Variants in SOX5 observed in about 807,000 individuals in gnomAD.
SOX5 encodes the protein SRY-box transcription factor 5, also known as transcription factor SOX-5.
Under a neutral mutation model 92.0 loss-of-function variants are expected in SOX5, and 9 were observed. That is an observed-to-expected ratio of 0.10 (90% CI 0.06 to 0.17). The LOEUF (loss-of-function observed/expected upper bound fraction) is 0.17. Ranked by LOEUF, SOX5 falls within the 10% of genes least tolerant of loss-of-function variation. The pLI, the probability that SOX5 is intolerant of heterozygous loss-of-function variation, is 1.00. For missense variants in SOX5, 642 were observed against 944.5 expected, an observed-to-expected ratio of 0.68 and a Z score of 4.20; for synonymous variants, 344 against 336.3, an observed-to-expected ratio of 1.02 and a Z score of -0.25.
intron 7 of SOX5, among the ~76,000 whole-genome samples, chr12:23,653,167 A>C (rs1262228079): frequency 6.6e-6 from 1 of 151,912 alleles, no homozygotes; most frequent in East Asian, 1.9e-4. Context: ...TATTTCCCTG[A>C]ATTGGTCTCA....
chr12:23,774,189 A>G lies in SOX5; in HGVS notation c.482-18465T>C, dbSNP rs2095029084. ...TACCTTTTACTGCCGTTATAAATAT[A>G]CCTATAGAAACATTACTCTAGAACA... On this transcript the variant is annotated intron_variant, in intron 3 of 14. Transcript: ENST00000451604. Among the ~76,000 whole-genome samples the G allele has an allele frequency of 2.0e-5, 3 of 152,190 alleles. No individual in the cohort carries two copies. In the South Asian group the frequency reaches 6.2e-4, roughly 32 times the overall value.
intron 11 of SOX5, among the ~76,000 whole-genome samples, chr12:23,562,589 G>A (rs1188271409): frequency 6.6e-6 from 1 of 152,070 alleles, no homozygotes; most frequent in Non-Finnish European, 1.5e-5. Context: ...TATTCCAACA[G>A]TACATAATTC....
chr12:24,403,598 C>G (rs887181064), intron 1 of SOX5, among the ~76,000 whole-genome samples: 2 of 152,240 alleles, frequency 1.3e-5, no homozygotes, highest in East Asian at 3.9e-4. Context: ...TTTCTTTGAG[C>G]CTGACTCTAA....
intron 7 of SOX5, among the ~76,000 whole-genome samples, chr12:23,655,840 T>C (rs2082239365): frequency 6.6e-6 from 1 of 152,082 alleles, no homozygotes; most frequent in African/African-American, 2.4e-5. Context: ...AAAAAATACA[T>C]AATATAAATG....
At chr12:24,006,284 T>C (rs1952153477) in intron 4 of SOX5, among the ~76,000 whole-genome samples, 1 of 152,194 alleles carries the variant, frequency 6.6e-6, no homozygotes, top group Non-Finnish European at 1.5e-5. Flanking sequence ...ATCTCATTAA[T>C]GGTTAAATGA....
chr12:24,026,588 G>A (rs1195645997), intron 4 of SOX5, among the ~76,000 whole-genome samples: 2 of 111,930 alleles, frequency 1.8e-5, no homozygotes, highest in African/African-American at 6.3e-5. Flanking sequence ...TGTCTCTATG[G>A]GAAAAAAAAG....
intron 1 of SOX5, among the ~76,000 whole-genome samples, chr12:23,946,232 T>C (rs1370108080): frequency 6.6e-6 from 1 of 152,138 alleles, no homozygotes; most frequent in Non-Finnish European, 1.5e-5. Context: ...TAGGTGATAC[T>C]AACAACCTAA....
At chr12:23,731,914 G>A (rs1022999248) in intron 6 of SOX5, among the ~76,000 whole-genome samples, 5 of 152,042 alleles carry the variant, frequency 3.3e-5, no homozygotes, top group African/African-American at 1.2e-4. Context: ...GTACAATCAG[G>A]ATGAATAATT....
At chr12:24,122,724 G>A (rs1948751335) in intron 4 of SOX5, among the ~76,000 whole-genome samples, 1 of 152,142 alleles carries the variant, frequency 6.6e-6, no homozygotes, top group Non-Finnish European at 1.5e-5. Flanking sequence ...ATAGCTCAGT[G>A]AGATAAACTA....
At chr12:24,526,475 T>C (rs989100810) in intron 1 of SOX5, among the ~76,000 whole-genome samples, 6 of 152,164 alleles carry the variant, frequency 3.9e-5, no homozygotes, top group African/African-American at 1.4e-4. Flanking sequence ...GAGTATATAA[T>C]GCAGGTGGGT....
chr12:24,259,548 A>G (rs190306646), intron 3 of SOX5, among the ~76,000 whole-genome samples: 1 of 152,326 alleles, frequency 6.6e-6, no homozygotes, highest in African/African-American at 2.4e-5. Context: ...GAACCATACA[A>G]TTAACACACT....
intron 4 of SOX5, among the ~76,000 whole-genome samples, chr12:24,183,751 T>C (rs909173682): frequency 1.3e-5 from 2 of 152,220 alleles, no homozygotes; most frequent in African/African-American, 2.4e-5. Context: ...TGAATCAATA[T>C]GGTTTGAGCA....
chr12:23,794,585 T>C (rs923490090), intron 3 of SOX5, among the ~76,000 whole-genome samples: 7 of 152,276 alleles, frequency 4.6e-5, no homozygotes, highest in Middle Eastern at 3.4e-3. Flanking sequence ...CATATAGTAG[T>C]CATTTAATCA....
chr12:23,840,282 T>C (rs1199004842), intron 3 of SOX5, among the ~76,000 whole-genome samples: 2 of 152,082 alleles, frequency 1.3e-5, no homozygotes, highest in Admixed American at 6.6e-5. Context: ...TGTAACAAAG[T>C]ATGTTTAAGA....
At chr12:23,931,105 A>C (rs1053386592) in intron 1 of SOX5, among the ~76,000 whole-genome samples, 2 of 151,790 alleles carry the variant, frequency 1.3e-5, no homozygotes, top group African/African-American at 4.8e-5. Context: ...CAAAATATTC[A>C]ATAAGTATTT....
intron 2 of SOX5, among the ~76,000 whole-genome samples, chr12:23,868,712 C>A (rs745702798): frequency 6.6e-6 from 1 of 152,096 alleles, no homozygotes; most frequent in Non-Finnish European, 1.5e-5. Context: ...CATTCCCACC[C>A]TACCCTCGCC....
Position 23,533,983 on chromosome 12 carries a change from C to T in SOX5, c.*236G>A. ...AGCTGAATTACTGGCATTATTTTAC[C>T]CATAGCTTATTTCAATCTCTTGTTG... On this transcript the variant is annotated 3_prime_UTR_variant, in exon 15 of 15. Transcript: ENST00000451604. 2 of 416,100 alleles carry T rather than the reference C, an allele frequency of 4.8e-6. No homozygotes were observed. Among genetic ancestry groups the T allele is most frequent in the African/African-American group, 2.0e-5 (1 of 49,640 alleles). 25.8% of individuals were successfully genotyped at this position (416,100 alleles called of 1,614,324 possible).
chr12:23,756,580 C>T (rs1415500992), intron 3 of SOX5, among the ~76,000 whole-genome samples: 1 of 151,908 alleles, frequency 6.6e-6, no homozygotes, highest in Non-Finnish European at 1.5e-5. Context: ...TAGATGGATA[C>T]ACAATTACAA....
intron 6 of SOX5, among the ~76,000 whole-genome samples, chr12:23,708,049 T>A (rs1567125521): frequency 1.3e-5 from 2 of 151,972 alleles, no homozygotes; most frequent in Non-Finnish European, 2.9e-5. Flanking sequence ...CTCCTCTCAA[T>A]GAGAGAAGAT....
Sources: gnomAD v4.1 joint callset for allele counts (sites outside exome capture counted in the v4.1 genomes callset) on GRCh38, gnomAD v4.1.1 for gene constraint, MANE v1.5 for transcripts, NCBI Gene and HGNC (gene_info 2026-07-23, HGNC 2026-07-21) for gene names.